Variants in KLHL11 observed in about 807,000 individuals in gnomAD.
KLHL11 encodes kelch-like protein 11.
In KLHL11, 26 loss-of-function variants were observed where a neutral mutation model predicts 56.1. The ratio of observed to expected loss-of-function variants is 0.46; its 90% confidence interval spans 0.34 to 0.64. KLHL11 has a LOEUF of 0.64. Ranked by LOEUF, KLHL11 falls within the 30% of genes least tolerant of loss-of-function variation. The pLI is 0.01. For synonymous variants in KLHL11, 338 were observed against 345.8 expected, an observed-to-expected ratio of 0.98 and a Z score of 0.25; for missense variants, 627 against 919.4, an observed-to-expected ratio of 0.68 and a Z score of 4.11.
rs2048327907 is a variant in KLHL11, at chr17:41,850,768, A to G, written c.*2972T>C. On this transcript the variant is annotated 3_prime_UTR_variant, in exon 2 of 2. Transcript: ENST00000319121. ...AAATTGAGAAAAAGGTAGTGGTGGG[A>G]TGGGACAATATAATAATATATCCTT... The G allele has an allele frequency of 6.6e-6, 1 of 152,208 alleles. No individual in the cohort carries two copies. Among genetic ancestry groups the G allele is most frequent in the Non-Finnish European group, 1.5e-5 (1 of 68,044 alleles). The allele number at this position is 152,208 out of a possible 1,614,324, so 9.4% of individuals were successfully genotyped here. A position where few individuals can be genotyped will look rare whatever the true frequency, so the allele number is the denominator to read the frequency against.
rs1189323899 is a variant in KLHL11 at position 41,852,778 on chromosome 17, C to CA, written c.*961dup. ...TGCACTCCAGCCTGGGCAACATGAG[C>CA]AAAAAAAAAAAAAAAAAGAGAAAAG... is the stretch of plus-strand genomic sequence containing the variant. On this transcript the variant is annotated 3_prime_UTR_variant, in exon 2 of 2. Coordinates refer to ENST00000319121, the MANE Select transcript of KLHL11 (RefSeq NM_018143.3). Among the ~76,000 whole-genome samples, 2,281 of 49,048 alleles carry CA rather than the reference C, an allele frequency of 0.047. 37 individuals carry two copies. Among genetic ancestry groups the CA allele is most frequent in the African/African-American group, 0.094 (1,351 of 14,300 alleles). The allele number at this position is 49,048 out of a possible 152,430, so 32.2% of individuals were successfully genotyped here. A position where few individuals can be genotyped will look rare whatever the true frequency, so the allele number is the denominator to read the frequency against.
rs1252682716 is a variant in KLHL11 at position 41,850,105 on chromosome 17, T to C, written c.*3635A>G. ...AGGCCTGATCCTTGTACTTAGAACC[T>C]TTCCAAATACTCTGGGAAGTTATTT... On this transcript the variant is annotated 3_prime_UTR_variant, in exon 2 of 2. Coordinates refer to ENST00000319121, the MANE Select transcript of KLHL11 (RefSeq NM_018143.3). The C allele has an allele frequency of 3.9e-5, 6 of 152,204 alleles. No individual in the cohort carries two copies. Among genetic ancestry groups the C allele is most frequent in the African/African-American group, 1.2e-4 (5 of 41,448 alleles). 9.4% of individuals were successfully genotyped at this position (152,204 alleles called of 1,614,324 possible).
intron 1 of KLHL11, among the ~76,000 whole-genome samples, chr17:41,858,525 C>G (rs554894008): frequency 6.6e-6 from 1 of 151,318 alleles, no homozygotes; most frequent in Admixed American, 6.6e-5. Flanking sequence ...CTCCGCCTCC[C>G]GGGTTCAAGC....
chr17:41,860,137 T>C (rs2048393610), intron 1 of KLHL11, among the ~76,000 whole-genome samples: 1 of 152,090 alleles, frequency 6.6e-6, no homozygotes, highest in Admixed American at 6.5e-5. Flanking sequence ...GTATGGGATA[T>C]AGTGGCTCCC....
Position 41,851,599 on chromosome 17 carries a change from CA to C in KLHL11, c.*2140del, listed in dbSNP as rs782423316. ...CCAGGGCGACAAAGCGTGACTGTTT[CA>C]AAAAAAAAAAAAAAAGTTATTTTGA... On this transcript the variant is annotated 3_prime_UTR_variant, in exon 2 of 2. Transcript: ENST00000319121. Among the ~76,000 whole-genome samples the C allele has an allele frequency of 0.012, 1,483 of 123,320 alleles. 13 individuals are homozygous for C. Among genetic ancestry groups the C allele is most frequent in the African/African-American group, 0.028 (939 of 33,428 alleles). 80.9% of individuals were successfully genotyped at this position (123,320 alleles called of 152,430 possible).
In KLHL11 at chr17:41,855,320, A is replaced by C; in HGVS notation, c.547T>G (p.Phe183Val). Residue 183 changes from phenylalanine (F) to valine (V), a missense_variant and splice_region_variant, in exon 2 of 2, where the codon TTC (phenylalanine) becomes GTC (valine). Phe to Val is a conservative substitution (Grantham distance 50). Coordinates refer to ENST00000319121, the MANE Select transcript of KLHL11 (RefSeq NM_018143.3). Reference sequence around the variant, plus strand: ...AATTCTTTTAAACGAATGAGTAGGAACCTAAAATCAAGAAAAAGAGAAAAG... The same window carrying C: ...AATTCTTTTAAACGAATGAGTAGGACCCTAAAATCAAGAAAAAGAGAAAAG... Reference protein sequence around the residue: ...VHEVLELADRFLLIRLKEFCG... With the variant: ...VHEVLELADRVLLIRLKEFCG... The C allele has an allele frequency of 6.6e-7, 1 of 1,524,112 alleles. No homozygotes were observed. Among genetic ancestry groups the C allele is most frequent in the East Asian group, 2.3e-5 (1 of 44,260 alleles). The allele number at this position is 1,524,112 out of a possible 1,614,324, so 94.4% of individuals were successfully genotyped here.
chr17:41,855,612 C>T (rs1216083306), intron 1 of KLHL11, among the ~76,000 whole-genome samples: 1 of 151,934 alleles, frequency 6.6e-6, no homozygotes, highest in Non-Finnish European at 1.5e-5. Context: ...TCAAAGTGAT[C>T]CGCCCGCCTT....
chr17:41,859,234 A>T (rs1317163496), intron 1 of KLHL11, among the ~76,000 whole-genome samples: 1 of 152,124 alleles, frequency 6.6e-6, no homozygotes, highest in Non-Finnish European at 1.5e-5. Flanking sequence ...CAGAAAACAA[A>T]ACAAAAACAC....
In KLHL11 at chr17:41,852,617, C is replaced by G. The variant is rs190213014; in HGVS notation, c.*1123G>C. Among the ~76,000 whole-genome samples the G allele has an allele frequency of 6.6e-6, 1 of 151,604 alleles. No homozygotes were observed. The highest frequency in any genetic ancestry group is 1.5e-5 in the Non-Finnish European group (1 of 67,852). On this transcript the variant is annotated 3_prime_UTR_variant, in exon 2 of 2. Coordinates refer to ENST00000319121, the MANE Select transcript of KLHL11 (RefSeq NM_018143.3). ...ACCAGCCTGGTCAACATGGTGAAACCCTGTCTCTACTAAAAGCACAAAAAT... is the reference window on the plus strand; with the variant it reads ...ACCAGCCTGGTCAACATGGTGAAACGCTGTCTCTACTAAAAGCACAAAAAT...
At chr17:41,857,040 C>G (rs1376847119) in intron 1 of KLHL11, among the ~76,000 whole-genome samples, 1 of 151,706 alleles carries the variant, frequency 6.6e-6, no homozygotes, top group African/African-American at 2.4e-5. Flanking sequence ...AAATAAAAAG[C>G]ACATATAGAG....
chr17:41,858,608 A>T (rs1269825984), intron 1 of KLHL11, among the ~76,000 whole-genome samples: 1 of 151,710 alleles, frequency 6.6e-6, no homozygotes, highest in Non-Finnish European at 1.5e-5. Flanking sequence ...AAATTTTTGT[A>T]TTTTTAGTAG....
rs1597944857 is a variant in KLHL11 at position 41,851,414 on chromosome 17, C to T, written c.*2326G>A. The T allele has an allele frequency of 2.0e-5, 3 of 152,064 alleles. No homozygotes were observed. The highest frequency in any genetic ancestry group is 2.0e-4 in the Admixed American group (3 of 15,236). The allele number at this position is 152,064 out of a possible 1,614,324, so 9.4% of individuals were successfully genotyped here. A position where few individuals can be genotyped will look rare whatever the true frequency, so the allele number is the denominator to read the frequency against. On this transcript the variant is annotated 3_prime_UTR_variant, in exon 2 of 2. Transcript: ENST00000319121. ...GTCAGGAGTTCGAGACCAGCCTAAC[C>T]AACATGGTGAAACCCCATCTCTATT... is the stretch of plus-strand genomic sequence containing the variant.
chr17:41,865,203 T>C lies in KLHL11; in HGVS notation c.168A>G (p.Ala56=). ...CCGGATCGCCCCCGCTCGCCTCCATTGCAGAGATCCCCGGCCCAGGCCCGA... is the reference window on the plus strand; with the variant it reads ...CCGGATCGCCCCCGCTCGCCTCCATCGCAGAGATCCCCGGCCCAGGCCCGA... The part of the protein sequence containing the change: ...VDFGPGPGIS[A]MEASGGDPGP... The change falls in exon 1 of 2, where the codon GCA becomes GCG. Residue 56 remains alanine (A), a synonymous_variant. Coordinates refer to ENST00000319121, the MANE Select transcript of KLHL11 (RefSeq NM_018143.3). 6.2e-7 allele frequency: 1 copy of C among 1,607,290 alleles called. No individual in the cohort carries two copies.
Position 41,853,492 on chromosome 17 carries a change from T to C in KLHL11, c.*248A>G. 2.6e-6 allele frequency: 1 copy of C among 386,162 alleles called. No homozygotes were observed. The highest frequency in any genetic ancestry group is 4.6e-6 in the Non-Finnish European group (1 of 218,306). 23.9% of individuals were successfully genotyped at this position (386,162 alleles called of 1,614,324 possible). On this transcript the variant is annotated 3_prime_UTR_variant, in exon 2 of 2. Transcript: ENST00000319121. ...CAACTACACCTGATTTTTCCACTTG[T>C]CCTTAATAAGATCTTATTTAGCTAG...
In KLHL11 at chr17:41,854,796, G is replaced by A; in HGVS notation, c.1071C>T (p.Asn357=). The part of the protein sequence containing the change: ...HVSLLPRYGQ[N]MDVIMVIGGV... ...CTCCAATAACCATGATCACATCCATGTTTTGCCCATAACGAGGCAATAGTG... is the reference window on the plus strand; with the variant it reads ...CTCCAATAACCATGATCACATCCATATTTTGCCCATAACGAGGCAATAGTG... The change falls in exon 2 of 2, where the codon AAC becomes AAT. Residue 357 remains asparagine (N), a synonymous_variant. Coordinates refer to ENST00000319121, the MANE Select transcript of KLHL11 (RefSeq NM_018143.3). The surrounding 1 kb of genome is among the most constrained non-coding windows in gnomAD (Gnocchi z 4.9). The A allele has an allele frequency of 6.2e-7, 1 of 1,614,156 alleles. No individual in the cohort carries two copies. Among genetic ancestry groups the A allele is most frequent in the Non-Finnish European group, 8.5e-7 (1 of 1,180,030 alleles).
rs1195095275 is a variant in KLHL11 at position 41,852,607 on chromosome 17, A to C, written c.*1133T>G. 6.6e-6 allele frequency among the ~76,000 whole-genome samples: 1 copy of C among 151,636 alleles called. No individual in the cohort carries two copies. Among genetic ancestry groups the C allele is most frequent in the Admixed American group, 6.6e-5 (1 of 15,218 alleles). On this transcript the variant is annotated 3_prime_UTR_variant, in exon 2 of 2. Coordinates refer to ENST00000319121, the MANE Select transcript of KLHL11 (RefSeq NM_018143.3). The stretch of plus-strand genomic sequence containing the variant: ...GGAGTTCAAGACCAGCCTGGTCAAC[A>C]TGGTGAAACCCTGTCTCTACTAAAA...
chr17:41,860,332 T>C (rs1258271615), intron 1 of KLHL11, among the ~76,000 whole-genome samples: 2 of 151,340 alleles, frequency 1.3e-5, no homozygotes, highest in South Asian at 2.1e-4. Flanking sequence ...TATTATTATA[T>C]TTCTGATCCT....
At position 41,852,085 on chromosome 17, in the gene KLHL11, C is replaced by A. The variant is rs924776934; in HGVS notation, c.*1655G>T. On this transcript the variant is annotated 3_prime_UTR_variant, in exon 2 of 2. Transcript: ENST00000319121. ...CCAAGGTAGAGTGGCATGATCACAG[C>A]TCATTTCAGCCTCAACCTTCCCAGG... Among the ~76,000 whole-genome samples, 29 of 152,118 alleles carry A rather than the reference C, an allele frequency of 1.9e-4. No individual in the cohort carries two copies. The highest frequency in any genetic ancestry group is 6.3e-4 in the African/African-American group (26 of 41,424).
intron 1 of KLHL11, among the ~76,000 whole-genome samples, chr17:41,858,732 C>T (rs2048384145): frequency 6.6e-6 from 1 of 152,066 alleles, no homozygotes; most frequent in Admixed American, 6.6e-5. Context: ...CTGTGCCTGG[C>T]CACCCAGATA....
Sources: gnomAD v4.1 joint callset for allele counts (sites outside exome capture counted in the v4.1 genomes callset) on GRCh38, gnomAD v4.1.1 for gene constraint, Gnocchi (gnomAD v3.1) non-coding constraint, MANE v1.5 for transcripts, NCBI Gene and HGNC (gene_info 2026-07-23, HGNC 2026-07-21) for gene names.